NOTCH1: variants seen among roughly 807,000 people sequenced by gnomAD.
NOTCH1 encodes the protein neurogenic locus notch homolog protein 1.
A neutral mutation model predicts 254.8 loss-of-function variants in NOTCH1; 37 were observed. That is an observed-to-expected ratio of 0.15 (90% CI 0.11 to 0.19). The LOEUF is 0.19. Among genes scored for constraint, NOTCH1 ranks in the 10% least tolerant of loss-of-function variants. The pLI, the probability that NOTCH1 is intolerant of heterozygous loss-of-function variation, is 1.00. For synonymous variants in NOTCH1, 1,731 were observed against 1,618.1 expected, an observed-to-expected ratio of 1.07 and a Z score of -1.68; for missense variants, 2,972 against 3,708.6, an observed-to-expected ratio of 0.80 and a Z score of 5.16.
chr9:136,516,208 C>G (rs1843270182), intron 9 of NOTCH1, 114 bp from the exon 10 acceptor site: 1 of 760,818 alleles, frequency 1.3e-6, no homozygotes. Context: ...AGGGCACACT[C>G]AGCCTGAGCT....
At position 136,509,040 on chromosome 9, in the gene NOTCH1, C is replaced by G; in HGVS notation, c.3001G>C (p.Gly1001Arg). ...CACAGGCAGGTGAACGAGTTGATGC[C>G]GTCCACGCAGGTGCCACCGTTGAAG... ...SCFNGGTCVD[G>R]INSFTCLCPP... Residue 1001 changes from glycine to arginine, a missense_variant, in exon 19 of 34, where the codon GGC becomes CGC. Physicochemically the swap from Gly to Arg is moderately radical, Grantham distance 125 (BLOSUM62 -2). This residue lies in a region of NOTCH1 where 1,343 missense variants were observed against 1,557.0 expected (regional missense o/e 0.86). Coordinates refer to ENST00000651671, the MANE Select transcript of NOTCH1 (RefSeq NM_017617.5). 1 of 1,561,466 alleles carries G rather than the reference C, an allele frequency of 6.4e-7. No homozygotes were observed. Among genetic ancestry groups the G allele is most frequent in the Non-Finnish European group, 8.7e-7 (1 of 1,153,726 alleles).
chr9:136,497,178 C>T lies in NOTCH1; in HGVS notation c.6561G>A (p.Lys2187=), dbSNP rs2133317990. The T allele has an allele frequency of 6.2e-7, 1 of 1,612,794 alleles. No homozygotes were observed. The highest frequency in any genetic ancestry group is 1.6e-4 in the Middle Eastern group (1 of 6,062). ...TGCCGGAGCTGTCCAGCAGGCAGCC[C>T]TTGCCGTCCTGGGACTTCTTCCTCC... ...KARRKKSQDG[K]GCLLDSSGML... Residue 2187 remains lysine (K), a synonymous_variant, in exon 34 of 34, where the codon AAG becomes AAA. Transcript: ENST00000651671.
chr9:136,541,426 G>A (rs570937893), intron 2 of NOTCH1, among the ~76,000 whole-genome samples: 2 of 152,300 alleles, frequency 1.3e-5, no homozygotes, highest in East Asian at 3.9e-4. Context: ...GCAGCAAATG[G>A]CACCAAAAGC....
Position 136,507,289 on chromosome 9 carries a change from G to A in NOTCH1, c.3643+16C>T, listed in dbSNP as rs142023414. Reference sequence around the variant, plus strand: ...CATGGATGGCCAACACCAGCCCTCCGTGCAGCGGCCCTTACCCTGAGTGCC... The same window carrying A: ...CATGGATGGCCAACACCAGCCCTCCATGCAGCGGCCCTTACCCTGAGTGCC... On this transcript the variant is annotated intron_variant, in intron 22 of 33. Transcript: ENST00000651671. The A allele has an allele frequency of 1.2e-4, 196 of 1,612,764 alleles. 1 individual carries two copies. In the East Asian group the frequency reaches 2.3e-3, roughly 19 times the overall value.
At position 136,503,246 on chromosome 9, in the gene NOTCH1, T is replaced by G. The variant is rs776610176; in HGVS notation, c.5103A>C (p.Ala1701=). The G allele has an allele frequency of 1.2e-6, 2 of 1,612,848 alleles. No individual in the cohort carries two copies. Among genetic ancestry groups the G allele is most frequent in the South Asian group, 2.2e-5 (2 of 91,076 alleles). ...CCAGCGAGGCGAGCGCTCCCAGGAA[T>G]GCGGCCACGTCGGTGGCACTCTGGA... ...QCFQSATDVA[A]FLGALASLGS... The change falls in exon 27 of 34, where the codon GCA becomes GCC. Residue 1701 remains alanine (A), a synonymous_variant. Coordinates refer to ENST00000651671, the MANE Select transcript of NOTCH1 (RefSeq NM_017617.5).
intron 17 of NOTCH1, chr9:136,510,388 C>T (rs572521257): frequency 3.9e-5 from 23 of 592,398 alleles, no homozygotes; most frequent in South Asian, 9.9e-5. Flanking sequence ...AGGCCGGGCC[C>T]GAGCCATCCT....
intron 2 of NOTCH1, among the ~76,000 whole-genome samples, chr9:136,537,811 G>A (rs1222482559): frequency 6.6e-6 from 1 of 152,108 alleles, no homozygotes; most frequent in African/African-American, 2.4e-5. Context: ...ACAAAAAAGT[G>A]GCCATGCACA....
intron 2 of NOTCH1, among the ~76,000 whole-genome samples, chr9:136,530,568 A>T (rs1203508904): frequency 7.2e-6 from 1 of 139,346 alleles, no homozygotes; most frequent in African/African-American, 2.9e-5. Flanking sequence ...AGACCCCAGG[A>T]ACTAGGTGTC....
In NOTCH1 at chr9:136,505,660, G is replaced by A. The variant is rs2133340241; in HGVS notation, c.4236C>T (p.Tyr1412=). The A allele has an allele frequency of 6.2e-7, 1 of 1,611,810 alleles. No homozygotes were observed. The highest frequency in any genetic ancestry group is 8.5e-7 in the Non-Finnish European group (1 of 1,179,298). The change falls in exon 25 of 34, where the codon TAC becomes TAT. Residue 1412 remains tyrosine (Y), a synonymous_variant. Transcript: ENST00000651671. ...TCEPTSESPF[Y]RCLCPAKFNG... ...TGAATTTGGCGGGGCACAGGCAACG[G>A]TAGAAGGGGCTCTCGGATGTGGGCT... is the stretch of plus-strand genomic sequence containing the variant.
In NOTCH1 at chr9:136,502,018, C is replaced by G. The variant is rs2133329789; in HGVS notation, c.5455G>C (p.Glu1819Gln). 3 of 1,613,146 alleles carry G rather than the reference C, an allele frequency of 1.9e-6. No homozygotes were observed. Among genetic ancestry groups the G allele is most frequent in the Admixed American group, 1.7e-5 (1 of 60,024 alleles). The change falls in exon 29 of 34, where the codon GAG (glutamate) becomes CAG (glutamine). Residue 1819 changes from glutamate to glutamine, a missense_variant. Glu to Gln is a conservative substitution (Grantham distance 29, BLOSUM62 2). This residue lies in a region of NOTCH1 where 421 missense variants were observed against 604.4 expected (regional missense o/e 0.70). Coordinates refer to ENST00000651671, the MANE Select transcript of NOTCH1 (RefSeq NM_017617.5). ...CGACTCACCCGGAACTTCTTGGTCT[C>G]CAGGTCCTCGTCCCCCCACTCATTC... ...NQNEWGDEDL[E>Q]TKKFRFEEPV...
intron 30 of NOTCH1, 93 bp downstream of exon 30, chr9:136,501,655 C>G (rs945201610): frequency 2.0e-6 from 3 of 1,482,086 alleles, no homozygotes; most frequent in South Asian, 1.2e-5. Flanking sequence ...TTCTAAGTTT[C>G]CAGAGTATCA....
rs1843122224 is a variant in NOTCH1, at chr9:136,508,297, C to T, written c.3260G>A (p.Ser1087Asn). The change falls in exon 20 of 34, where the codon AGC becomes AAC. Residue 1087 changes from serine (S) to asparagine (N), a missense_variant. Around this residue, in one of 8 missense-constraint regions of NOTCH1, gnomAD observed 1,343 missense variants for 1,557.0 expected, o/e 0.86. Coordinates refer to ENST00000651671, the MANE Select transcript of NOTCH1 (RefSeq NM_017617.5). ...GTCGCAGTAAAGGCCGGTCCAGCCGCTGGGGCACTCGCAGCGGTACTGGGT... is the reference window on the plus strand; with the variant it reads ...GTCGCAGTAAAGGCCGGTCCAGCCGTTGGGGCACTCGCAGCGGTACTGGGT... ...THTQYRCECP[S>N]GWTGLYCDVP... 6.2e-7 allele frequency: 1 copy of T among 1,613,018 alleles called. No individual in the cohort carries two copies. Among genetic ancestry groups the T allele is most frequent in the Non-Finnish European group, 8.5e-7 (1 of 1,180,008 alleles).
rs1589072567 is a variant in NOTCH1 at position 136,523,784 on chromosome 9, G to A, written c.336C>T (p.Arg112=). The change falls in exon 3 of 34, where the codon CGC becomes CGT. Residue 112 remains arginine, a synonymous_variant. Coordinates refer to ENST00000651671, the MANE Select transcript of NOTCH1 (RefSeq NM_017617.5). ...TGAGCAGGTCGCAGGTGCCCCCGTT[G>A]CGGCAGGGGTTGGTGAGGCAGGCAT... ...LDNACLTNPC[R]NGGTCDLLTL... 5.0e-6 allele frequency: 8 copies of A among 1,611,756 alleles called. No homozygotes were observed. Among genetic ancestry groups the A allele is most frequent in the African/African-American group, 1.3e-5 (1 of 74,912 alleles).
chr9:136,536,321 C>T (rs1168206597), intron 2 of NOTCH1, among the ~76,000 whole-genome samples: 3 of 152,174 alleles, frequency 2.0e-5, no homozygotes, highest in Non-Finnish European at 4.4e-5. Flanking sequence ...TTGGAGAGGA[C>T]ACCATCTGTG....
At chr9:136,522,593 C>A (rs769706209) in intron 4 of NOTCH1, 2 of 513,990 alleles carry the variant, frequency 3.9e-6, no homozygotes, top group Non-Finnish European at 6.8e-6. Context: ...CGTCCTACAG[C>A]TCGAATGTGA....
chr9:136,498,824 C>T, intron 33 of NOTCH1, 75 bp downstream of exon 33: 2 of 1,538,590 alleles, frequency 1.3e-6, no homozygotes, highest in Non-Finnish European at 1.8e-6. Context: ...TGTCCCTGCG[C>T]CCCGTGGGTT....
intron 2 of NOTCH1, chr9:136,543,493 A>T (rs1564215558): frequency 3.5e-6 from 1 of 283,654 alleles, no homozygotes; most frequent in Non-Finnish European, 6.8e-6. Context: ...GGCATCACGC[A>T]CCCAGAGGAG....
Position 136,509,030 on chromosome 9 carries a change from G to A in NOTCH1, c.3011C>T (p.Ser1004Leu), listed in dbSNP as rs201163739. The A allele has an allele frequency of 1.2e-4, 182 of 1,563,320 alleles. No homozygotes were observed. The highest frequency in any genetic ancestry group is 1.2e-4 in the Non-Finnish European group (143 of 1,154,878). ...NGGTCVDGIN[S>L]FTCLCPPGFT... Reference sequence around the variant, plus strand: ...GCCGGGTGGACACAGGCAGGTGAACGAGTTGATGCCGTCCACGCAGGTGCC... The same window carrying A: ...GCCGGGTGGACACAGGCAGGTGAACAAGTTGATGCCGTCCACGCAGGTGCC... Residue 1004 changes from serine (S) to leucine (L), a missense_variant, in exon 19 of 34, where the codon TCG becomes TTG. Ser to Leu is a moderately radical substitution (Grantham distance 145). Around this residue, in one of 8 missense-constraint regions of NOTCH1, gnomAD observed 1,343 missense variants for 1,557.0 expected, o/e 0.86. Coordinates refer to ENST00000651671, the MANE Select transcript of NOTCH1 (RefSeq NM_017617.5).
intron 15 of NOTCH1, among the ~76,000 whole-genome samples, chr9:136,512,153 C>T (rs1376181801): frequency 1.3e-5 from 2 of 152,226 alleles, no homozygotes; most frequent in African/African-American, 2.4e-5. Flanking sequence ...CCGGCCCGAT[C>T]GACGTGTCTG....
Sources: gnomAD v4.1 joint callset for allele counts (sites outside exome capture counted in the v4.1 genomes callset) on GRCh38, gnomAD v4.1.1 for gene constraint, gnomAD v4.1.1 regional missense constraint, MANE v1.5 for transcripts, NCBI Gene and HGNC (gene_info 2026-07-23, HGNC 2026-07-21) for gene names.